The following LRGUK variants were observed in gnomAD, a reference collection of about 807,000 sequenced individuals.
The protein encoded by LRGUK is leucine-rich repeat and guanylate kinase domain-containing protein.
A neutral mutation model predicts 76.0 loss-of-function variants in LRGUK; 65 were observed. The observed-to-expected ratio is 0.85, with a 90% confidence interval of 0.70 to 1.05. The LOEUF is 1.05. Ranked by LOEUF, LRGUK falls within the 50% of genes least tolerant of loss-of-function variation. The pLI is 0.00. For synonymous variants in LRGUK, 268 were observed against 265.6 expected (o/e 1.01, Z -0.09); for missense variants, 758 against 732.8 (o/e 1.03, Z -0.40).
chr7:134,195,876 T>G (rs1800460227), intron 12 of LRGUK, among the ~76,000 whole-genome samples: 2 of 152,194 alleles, frequency 1.3e-5, no homozygotes, highest in African/African-American at 4.8e-5. Context: ...TTATGGGGGA[T>G]GTGGATCTTC....
intron 11 of LRGUK, among the ~76,000 whole-genome samples, chr7:134,186,078 C>A (rs1799969825): frequency 6.6e-6 from 1 of 152,194 alleles, no homozygotes. Flanking sequence ...TTTTAGCAAA[C>A]CAAAGTGACC....
chr7:134,207,914 G>A (rs556968042), intron 15 of LRGUK, among the ~76,000 whole-genome samples: 1 of 152,334 alleles, frequency 6.6e-6, no homozygotes, highest in East Asian at 1.9e-4. Flanking sequence ...CCTGCTGGAT[G>A]ATGGCGTCTG....
At chr7:134,158,584 G>T (rs1376398624) in intron 6 of LRGUK, among the ~76,000 whole-genome samples, 6 of 152,084 alleles carry the variant, frequency 3.9e-5, no homozygotes, top group African/African-American at 1.2e-4. Context: ...TGTTTTCTGG[G>T]CACTGAATTT....
chr7:134,142,785 G>A (rs538109572), intron 3 of LRGUK, among the ~76,000 whole-genome samples: 1 of 152,196 alleles, frequency 6.6e-6, no homozygotes, highest in African/African-American at 2.4e-5. Context: ...GGAAGAGGCC[G>A]CAGGGATTGG....
intron 15 of LRGUK, among the ~76,000 whole-genome samples, chr7:134,219,733 T>C (rs982646546): frequency 1.3e-5 from 2 of 152,148 alleles, no homozygotes; most frequent in African/African-American, 2.4e-5. Flanking sequence ...TGTTTCTGCC[T>C]CAGCCACACT....
chr7:134,208,819 A>G (rs1046783378), exon 16 of LRGUK: 2 of 399,034 alleles, frequency 5.0e-6, no homozygotes, highest in Admixed American at 8.8e-5. Context: ...ATCTCTCTGG[A>G]ATGCAAATTC....
intron 16 of LRGUK, among the ~76,000 whole-genome samples, chr7:134,233,969 T>G (rs939335730): frequency 1.3e-5 from 2 of 152,202 alleles, no homozygotes; most frequent in African/African-American, 4.8e-5. Context: ...ACATGAGATT[T>G]TTTTTGCAAT....
chr7:134,227,827 T>G (rs979097166), intron 16 of LRGUK, among the ~76,000 whole-genome samples: 2 of 151,830 alleles, frequency 1.3e-5, no homozygotes, highest in Non-Finnish European at 2.9e-5. Context: ...ATAAGAAAAA[T>G]AAATCTTAGA....
chr7:134,180,268 A>G (rs534373808), intron 10 of LRGUK, among the ~76,000 whole-genome samples: 1 of 149,076 alleles, frequency 6.7e-6, no homozygotes, highest in Admixed American at 6.8e-5. Context: ...CTAAGAATGT[A>G]ACTCTTTTCA....
At chr7:134,208,935 A>G (rs1282879403) in exon 16 of LRGUK, 4 of 399,030 alleles carry the variant, frequency 1.0e-5, no homozygotes, top group Admixed American at 8.8e-5. Flanking sequence ...AGCCATCTCA[A>G]TCCTGAGCTC....
chr7:134,263,565 T>C (rs1301973616), intron 19 of LRGUK, among the ~76,000 whole-genome samples: 1 of 151,876 alleles, frequency 6.6e-6, no homozygotes, highest in Non-Finnish European at 1.5e-5. Flanking sequence ...TGTTCAACCA[T>C]GTACATGCTA....
chr7:134,176,563 G>C (rs968900016), intron 8 of LRGUK, among the ~76,000 whole-genome samples: 1 of 151,966 alleles, frequency 6.6e-6, no homozygotes, highest in African/African-American at 2.4e-5. Flanking sequence ...TGTATTTTTA[G>C]TAGAGACAAG....
intron 18 of LRGUK, among the ~76,000 whole-genome samples, chr7:134,253,169 C>A (rs891573264): frequency 1.3e-5 from 2 of 152,148 alleles, no homozygotes; most frequent in African/African-American, 4.8e-5. Context: ...ATCACAGCCA[C>A]CTACTAGGTT....
At position 134,247,562 on chromosome 7, in the gene LRGUK, G is replaced by C. The variant is rs781383893; in HGVS notation, c.1990G>C (p.Asp664His). 8 of 1,611,494 alleles carry C rather than the reference G, an allele frequency of 5.0e-6. No homozygotes were observed. Among genetic ancestry groups the C allele is most frequent in the Non-Finnish European group, 6.8e-6 (8 of 1,178,472 alleles). The change falls in exon 17 of 20, where the codon GAT (aspartate) becomes CAT (histidine). Residue 664 changes from aspartate (D) to histidine (H), a missense_variant. Coordinates refer to the LRGUK transcript ENST00000285928. ...AATGACATTTCTTACCTAGGAAAGA[G>C]ATTCTATACACAGACAGCACGAGGC... is the stretch of plus-strand genomic sequence containing the variant.
At chr7:134,228,955 G>T (rs1390274156) in intron 16 of LRGUK, among the ~76,000 whole-genome samples, 1 of 152,060 alleles carries the variant, frequency 6.6e-6, no homozygotes, top group South Asian at 2.1e-4. Context: ...GCATAAACAA[G>T]AAATAAATAG....
Position 134,183,854 on chromosome 7 carries a change from G to A in LRGUK, c.1334+1G>A, listed in dbSNP as rs1316936246. On this transcript the variant is annotated splice_donor_variant, in intron 11 of 15. Coordinates refer to ENST00000645682, the Ensembl canonical transcript of LRGUK. LOFTEE classifies it high-confidence loss of function. Reference sequence around the variant, plus strand: ...AGTTTAGCACTTACTTCAGATATGGGTAAGTTTGTTTATTGGCTTGTTAAG... The same window carrying A: ...AGTTTAGCACTTACTTCAGATATGGATAAGTTTGTTTATTGGCTTGTTAAG... The A allele has an allele frequency of 1.9e-6, 3 of 1,613,718 alleles. No individual in the cohort carries two copies. The highest frequency in any genetic ancestry group is 4.5e-5 in the East Asian group (2 of 44,850).
chr7:134,210,091 G>A (rs2117123262), exon 16 of LRGUK: 1 of 399,304 alleles, frequency 2.5e-6, no homozygotes, highest in Non-Finnish European at 4.4e-6. Flanking sequence ...GGGAAAAAAA[G>A]CTCCCCAACC....
At chr7:134,191,512 C>A in intron 11 of LRGUK, 143 bp from the exon 12 acceptor site, 1 of 644,004 alleles carries the variant, frequency 1.6e-6, no homozygotes, top group Non-Finnish European at 2.7e-6. Context: ...ACTTCGAAAC[C>A]AACATATTCT....
chr7:134,193,229 A>G (rs1187753362), intron 12 of LRGUK, among the ~76,000 whole-genome samples: 2 of 152,174 alleles, frequency 1.3e-5, no homozygotes, highest in African/African-American at 4.8e-5. Flanking sequence ...AGTTCAGTTT[A>G]ATTGATTAAG....
Sources: gnomAD v4.1 joint callset for allele counts (sites outside exome capture counted in the v4.1 genomes callset) on GRCh38, gnomAD v4.1.1 for gene constraint, MANE v1.5 for transcripts, NCBI Gene and HGNC (gene_info 2026-07-23, HGNC 2026-07-21) for gene names.